NF2: variants seen among roughly 807,000 people sequenced by gnomAD.
The protein encoded by NF2 is merlin.
Under a neutral mutation model 83.7 loss-of-function variants are expected in NF2, and 8 were observed. That is an observed-to-expected ratio of 0.10 (90% CI 0.06 to 0.17). The LOEUF (loss-of-function observed/expected upper bound fraction) is 0.17. Among genes scored for constraint, NF2 ranks in the 10% least tolerant of loss-of-function variants. The pLI is 1.00. For synonymous variants in NF2, 266 were observed against 269.6 expected, an observed-to-expected ratio of 0.99 and a Z score of 0.13; for missense variants, 533 against 744.4, an observed-to-expected ratio of 0.72 and a Z score of 3.31.
intron 10 of NF2, among the ~76,000 whole-genome samples, chr22:29,670,088 T>C (rs1227826610): frequency 1.3e-5 from 2 of 152,040 alleles, no homozygotes; most frequent in Non-Finnish European, 2.9e-5. Context: ...AACCTCAAGC[T>C]CCTGGGCTTG....
In NF2 at chr22:29,661,360, A is replaced by G. The variant is rs369574656; in HGVS notation, c.810+21A>G. On this transcript the variant is annotated intron_variant, in intron 8 of 15. Transcript: ENST00000338641. ...AGGAGGTAGGACATGTGTGTACTGC[A>G]GATGGGTCCAGCAGATCTTTCCCTG... The G allele has an allele frequency of 2.2e-5, 35 of 1,612,870 alleles. No homozygotes were observed. In the African/African-American group the frequency reaches 4.4e-4, roughly 20 times the overall value.
chr22:29,661,399 C>G (rs2147013044), intron 8 of NF2, 60 bp downstream of exon 8: 1 of 1,605,642 alleles, frequency 6.2e-7, no homozygotes, highest in Non-Finnish European at 8.5e-7. Context: ...GCCCCCCTCA[C>G]TGGAGCCTCC....
chr22:29,682,002 G>T (rs2147125337), intron 15 of NF2, among the ~76,000 whole-genome samples: 1 of 152,170 alleles, frequency 6.6e-6, no homozygotes, highest in South Asian at 2.1e-4. Flanking sequence ...GTCTTTAAGT[G>T]GCAAGGACTA....
chr22:29,608,962 C>T, intron 1 of NF2: 3 of 613,986 alleles, frequency 4.9e-6, no homozygotes, highest in Admixed American at 2.4e-5. Context: ...TTTAGGGGCC[C>T]AGTGCCTCTG....
chr22:29,683,495 C>G, intron 15 of NF2: 2 of 1,157,094 alleles, frequency 1.7e-6, no homozygotes, highest in Non-Finnish European at 2.1e-6. Flanking sequence ...CGTTGACAGC[C>G]TCTCAAGACC....
At chr22:29,605,109 C>T (rs908167715) in intron 1 of NF2, among the ~76,000 whole-genome samples, 4 of 151,472 alleles carry the variant, frequency 2.6e-5, no homozygotes, top group African/African-American at 2.4e-5. Flanking sequence ...CTCAGCCTCT[C>T]GAGTAGCTGG....
intron 10 of NF2, among the ~76,000 whole-genome samples, chr22:29,668,837 T>C (rs542163334): frequency 6.6e-6 from 1 of 152,362 alleles, no homozygotes; most frequent in East Asian, 1.9e-4. Flanking sequence ...GAATGCCAGG[T>C]GGCATTTCAG....
At chr22:29,658,603 C>A (rs1024593306) in intron 7 of NF2, among the ~76,000 whole-genome samples, 4 of 151,488 alleles carry the variant, frequency 2.6e-5, no homozygotes, top group Admixed American at 6.6e-5. Context: ...ACTTCTCCCC[C>A]CAACACACAC....
intron 1 of NF2, among the ~76,000 whole-genome samples, chr22:29,604,462 C>T (rs2064732289): frequency 6.6e-6 from 1 of 152,158 alleles, no homozygotes; most frequent in African/African-American, 2.4e-5. Flanking sequence ...GAAGTTGCGT[C>T]TTGTTTATTG....
At chr22:29,674,495 G>T (rs1185527797) in intron 12 of NF2, among the ~76,000 whole-genome samples, 1 of 152,176 alleles carries the variant, frequency 6.6e-6, no homozygotes, top group East Asian at 1.9e-4. Flanking sequence ...TTCTTCCTTT[G>T]CCCAGCTCAC....
chr22:29,673,067 C>T (rs1190642907), intron 11 of NF2, among the ~76,000 whole-genome samples: 1 of 152,174 alleles, frequency 6.6e-6, no homozygotes, highest in Non-Finnish European at 1.5e-5. Context: ...CTTGTTACTC[C>T]CCATGGGTGC....
chr22:29,689,266 C>T (rs956521767), intron 15 of NF2, among the ~76,000 whole-genome samples: 25 of 150,980 alleles, frequency 1.7e-4, no homozygotes, highest in African/African-American at 4.9e-4. Context: ...GGCCCTTCCT[C>T]TTTGCTTATT....
intron 1 of NF2, among the ~76,000 whole-genome samples, chr22:29,626,278 C>T (rs9608800): frequency 0.12 from 17,649 of 151,634 alleles, 1,340 homozygotes; most frequent in Non-Finnish European, 0.18. Flanking sequence ...CTCAGCCTCC[C>T]GAGTAGCTGG....
At chr22:29,693,666 G>A (rs542370448) in intron 15 of NF2, among the ~76,000 whole-genome samples, 6 of 152,284 alleles carry the variant, frequency 3.9e-5, no homozygotes, top group South Asian at 2.1e-4. Context: ...GTGAGCTCTC[G>A]GACCTTCTCA....
In NF2 at chr22:29,696,100, GTCTC is replaced by G. The variant is rs1490848639; in HGVS notation, c.*1304_*1307del. ...TTTTTTTTTTTTTTTCCGAGATGGA[GTCTC>G]TCTCTGTCACCCAGGTGGGAGTGTG... On this transcript the variant is annotated 3_prime_UTR_variant, in exon 16 of 16. Coordinates refer to ENST00000338641, the MANE Select transcript of NF2 (RefSeq NM_000268.4). The G allele has an allele frequency of 4.8e-6, 1 of 207,046 alleles. No homozygotes were observed. Among genetic ancestry groups the G allele is most frequent in the African/African-American group, 2.6e-5 (1 of 38,566 alleles). 12.8% of individuals were successfully genotyped at this position (207,046 alleles called of 1,614,324 possible).
intron 15 of NF2, among the ~76,000 whole-genome samples, chr22:29,686,079 C>T (rs2067264508): frequency 6.6e-6 from 1 of 152,146 alleles, no homozygotes; most frequent in African/African-American, 2.4e-5. Flanking sequence ...GGCACAGTGT[C>T]CTCACCTGCA....
In NF2 at chr22:29,695,469, GC is replaced by G. The variant is rs2067524192; in HGVS notation, c.*669del. ...GCAGAAGCTGTGATGCAGGCTGACT[GC>G]CAGCCGAGGGGCTGGGTAGTGCCGT... On this transcript the variant is annotated 3_prime_UTR_variant, in exon 16 of 16. Coordinates refer to ENST00000338641, the MANE Select transcript of NF2 (RefSeq NM_000268.4). This position sits in a 1 kb window ranked among gnomAD's most constrained non-coding sequence, Gnocchi z 5.4. 4.0e-6 allele frequency: 1 copy of G among 249,688 alleles called. No homozygotes were observed. Among genetic ancestry groups the G allele is most frequent in the Admixed American group, 4.8e-5 (1 of 20,844 alleles). 15.5% of individuals were successfully genotyped at this position (249,688 alleles called of 1,614,324 possible).
intron 1 of NF2, among the ~76,000 whole-genome samples, chr22:29,634,867 C>G (rs1266544561): frequency 2.0e-5 from 3 of 152,182 alleles, no homozygotes; most frequent in African/African-American, 7.2e-5. Context: ...GCCCATTACT[C>G]AGCCTTAAAA....
intron 7 of NF2, among the ~76,000 whole-genome samples, chr22:29,660,921 G>A (rs745587782): frequency 9.9e-5 from 15 of 152,208 alleles, no homozygotes; most frequent in Non-Finnish European, 1.6e-4. Flanking sequence ...TTAACCAGAG[G>A]GAACAACACT....
Sources: gnomAD v4.1 joint callset for allele counts (sites outside exome capture counted in the v4.1 genomes callset) on GRCh38, gnomAD v4.1.1 for gene constraint, Gnocchi (gnomAD v3.1) non-coding constraint, MANE v1.5 for transcripts, NCBI Gene and HGNC (gene_info 2026-07-23, HGNC 2026-07-21) for gene names.